The following ELMO1 variants were observed in gnomAD, a reference collection of about 807,000 sequenced individuals.
The protein encoded by ELMO1 is engulfment and cell motility protein 1.
A neutral mutation model predicts 98.9 loss-of-function variants in ELMO1; 26 were observed. The ratio of observed to expected loss-of-function variants is 0.26; its 90% CI spans 0.19 to 0.36. ELMO1 has a LOEUF of 0.36. Among genes scored for constraint, ELMO1 ranks in the 10% least tolerant of loss-of-function variants. The pLI is 1.00. For missense variants in ELMO1, 627 were observed against 935.2 expected (o/e 0.67, Z 4.30); for synonymous variants, 346 against 346.0 (o/e 1.00, Z 0.00).
At chr7:37,274,894 T>C (rs1796749046) in intron 4 of ELMO1, among the ~76,000 whole-genome samples, 1 of 152,176 alleles carries the variant, frequency 6.6e-6, no homozygotes, top group Non-Finnish European at 1.5e-5. Context: ...GGAGCTGCAA[T>C]GAGACATTCC....
chr7:37,044,202 G>A (rs1795681616), intron 15 of ELMO1, among the ~76,000 whole-genome samples: 1 of 152,166 alleles, frequency 6.6e-6, no homozygotes, highest in Non-Finnish European at 1.5e-5. Flanking sequence ...GTCACAGCCA[G>A]AGGGTGAGGG....
At chr7:37,346,159 C>T (rs1010987056) in intron 1 of ELMO1, among the ~76,000 whole-genome samples, 2 of 152,104 alleles carry the variant, frequency 1.3e-5, no homozygotes, top group African/African-American at 4.8e-5. Flanking sequence ...AGTGCAAGAA[C>T]AGTAAGTGAA....
intron 15 of ELMO1, among the ~76,000 whole-genome samples, chr7:37,024,871 C>T (rs574957168): frequency 2.9e-4 from 44 of 152,158 alleles, no homozygotes; most frequent in African/African-American, 9.2e-4. Context: ...TACTTAGCTT[C>T]GCGTTAGAAA....
chr7:37,353,909 C>T (rs553125503), intron 1 of ELMO1, among the ~76,000 whole-genome samples: 64 of 152,328 alleles, frequency 4.2e-4, no homozygotes, highest in African/African-American at 1.5e-3. Flanking sequence ...TCGCTTTCAC[C>T]CTGTCTTTGT....
intron 14 of ELMO1, among the ~76,000 whole-genome samples, chr7:37,119,949 A>AT (rs1182044612): frequency 1.3e-5 from 2 of 152,326 alleles, no homozygotes; most frequent in South Asian, 2.1e-4. Context: ...TAATTATGTG[A>AT]TTTTTTGGGT....
intron 2 of ELMO1, among the ~76,000 whole-genome samples, chr7:37,324,043 G>A (rs1799661191): frequency 6.6e-6 from 1 of 152,138 alleles, no homozygotes; most frequent in East Asian, 1.9e-4. Context: ...TTAGGAGATG[G>A]CCAGTCCAGC....
intron 15 of ELMO1, among the ~76,000 whole-genome samples, chr7:37,090,201 G>C (rs577393318): frequency 6.6e-6 from 1 of 152,232 alleles, no homozygotes; most frequent in African/African-American, 2.4e-5. Flanking sequence ...CACAACTCTG[G>C]ACTTATGCAA....
At chr7:37,201,505 G>A (rs1281122543) in intron 13 of ELMO1, among the ~76,000 whole-genome samples, 2 of 152,212 alleles carry the variant, frequency 1.3e-5, no homozygotes, top group Non-Finnish European at 2.9e-5. Context: ...AAGCCCATCT[G>A]CCATGAACAT....
At chr7:37,108,693 T>C (rs1048056517) in intron 14 of ELMO1, among the ~76,000 whole-genome samples, 2 of 152,216 alleles carry the variant, frequency 1.3e-5, no homozygotes, top group African/African-American at 4.8e-5. Context: ...CCCTTGAGGT[T>C]GGGAACCACT....
At chr7:37,219,323 T>G (rs1793468662) in intron 10 of ELMO1, among the ~76,000 whole-genome samples, 1 of 152,144 alleles carries the variant, frequency 6.6e-6, no homozygotes, top group African/African-American at 2.4e-5. Context: ...AAATAAGGTA[T>G]AAGTGTTTAA....
At chr7:37,059,288 T>A (rs1796545758) in intron 15 of ELMO1, among the ~76,000 whole-genome samples, 1 of 152,152 alleles carries the variant, frequency 6.6e-6, no homozygotes, top group African/African-American at 2.4e-5. Context: ...CCCTTTGCAG[T>A]GCTTGTCAAG....
chr7:37,170,623 T>G (rs1790086958), intron 13 of ELMO1, among the ~76,000 whole-genome samples: 1 of 151,592 alleles, frequency 6.6e-6, no homozygotes, highest in Non-Finnish European at 1.5e-5. Context: ...TGCTTTTTTT[T>G]TTTTTTGTCA....
chr7:37,289,825 T>C (rs1249281980), intron 4 of ELMO1, among the ~76,000 whole-genome samples: 1 of 152,180 alleles, frequency 6.6e-6, no homozygotes. Flanking sequence ...CTGGAGGAGT[T>C]AGTAGGGATA....
chr7:37,163,317 A>C (rs915447090), intron 13 of ELMO1, among the ~76,000 whole-genome samples: 4 of 145,732 alleles, frequency 2.7e-5, no homozygotes, highest in Non-Finnish European at 6.0e-5. Context: ...ATCAGGTATT[A>C]TAGGGTATAA....
intron 13 of ELMO1, among the ~76,000 whole-genome samples, chr7:37,142,091 A>C (rs1787679773): frequency 6.6e-6 from 1 of 152,238 alleles, no homozygotes; most frequent in Non-Finnish European, 1.5e-5. Flanking sequence ...TACTAATGAT[A>C]AGAAGGATAC....
In ELMO1 at chr7:37,014,879, C is replaced by T. The variant is rs13222431; in HGVS notation, c.1301-1444G>A. Among the ~76,000 whole-genome samples the T allele has an allele frequency of 9.7e-3, 1,470 of 151,834 alleles. 9 individuals are homozygous for T. The highest frequency in any genetic ancestry group is 0.016 in the Non-Finnish European group (1,102 of 67,934). On this transcript the variant is annotated intron_variant, in intron 15 of 21. Transcript: ENST00000310758. ...TCTGTTCTCGGGGAGAGCCCTGGTG[C>T]CTGCCATGTGGATGAGCAGCGAATC... is the stretch of plus-strand genomic sequence containing the variant.
At chr7:36,959,516 C>A (rs1342071367) in intron 16 of ELMO1, among the ~76,000 whole-genome samples, 1 of 152,130 alleles carries the variant, frequency 6.6e-6, no homozygotes, top group Non-Finnish European at 1.5e-5. Flanking sequence ...GAAACCAGGT[C>A]TCTTTTGCCC....
At chr7:36,998,965 TGTTTATATTCTGGTGA>T (rs1792428424) in intron 16 of ELMO1, among the ~76,000 whole-genome samples, 1 of 152,046 alleles carries the variant, frequency 6.6e-6, no homozygotes, top group African/African-American at 2.4e-5. Context: ...GATTTGTGTG[TGTTTATATTCTGGTGA>T]GAAGACAGCA....
intron 13 of ELMO1, among the ~76,000 whole-genome samples, chr7:37,207,066 C>A (rs1792671501): frequency 6.6e-6 from 1 of 152,186 alleles, no homozygotes; most frequent in Non-Finnish European, 1.5e-5. Context: ...TGAAAGGGCT[C>A]TAGCCAGGAA....
Sources: gnomAD v4.1 joint callset for allele counts (sites outside exome capture counted in the v4.1 genomes callset) on GRCh38, gnomAD v4.1.1 for gene constraint, MANE v1.5 for transcripts, NCBI Gene and HGNC (gene_info 2026-07-23, HGNC 2026-07-21) for gene names.